Variants in RBM47 observed in about 807,000 individuals in gnomAD.
RBM47 encodes RNA-binding protein 47.
A neutral mutation model predicts 47.1 loss-of-function variants in RBM47; 21 were observed. The ratio of observed to expected loss-of-function variants is 0.45; its 90% CI spans 0.32 to 0.64. The LOEUF is 0.64. Among genes scored for constraint, RBM47 ranks in the 30% least tolerant of loss-of-function variants. RBM47 has a pLI of 0.05. For synonymous variants in RBM47, 375 were observed against 361.7 expected (o/e 1.04, Z -0.42); for missense variants, 708 against 870.9 (o/e 0.81, Z 2.35).
At chr4:40,617,776 CT>C (rs930080041) in intron 1 of RBM47, among the ~76,000 whole-genome samples, 5 of 150,452 alleles carry the variant, frequency 3.3e-5, no homozygotes, top group East Asian at 1.9e-4. Flanking sequence ...ATACTTAAGT[CT>C]TTTTTTTAAT....
chr4:40,474,664 A>T (rs1339497461), intron 2 of RBM47, among the ~76,000 whole-genome samples: 1 of 152,220 alleles, frequency 6.6e-6, no homozygotes, highest in East Asian at 1.9e-4. Context: ...CTCATTTGTC[A>T]CATTTTAAAA....
chr4:40,552,771 C>T (rs1186869282), intron 1 of RBM47, among the ~76,000 whole-genome samples: 1 of 152,182 alleles, frequency 6.6e-6, no homozygotes, highest in South Asian at 2.1e-4. Flanking sequence ...GCTGGCTATA[C>T]CACTGGCCTT....
At position 40,579,146 on chromosome 4, in the gene RBM47, G is replaced by A. The variant is rs148079063; in HGVS notation, c.-239-34640C>T. On this transcript the variant is annotated intron_variant, in intron 1 of 6. Transcript: ENST00000295971. ...ATTAAAAAAAAAAAAAATGCAGCCA[G>A]GCACGGTGGCTCACGCTTGTAATCC... Among the ~76,000 whole-genome samples the A allele has an allele frequency of 9.9e-3, 1,466 of 148,400 alleles. 38 individuals are homozygous for A. The highest frequency in any genetic ancestry group is 9.1e-3 in the Non-Finnish European group (615 of 67,386).
chr4:40,448,262 TGA>T (rs1714852608), intron 3 of RBM47, among the ~76,000 whole-genome samples: 1 of 145,772 alleles, frequency 6.9e-6, no homozygotes, highest in Non-Finnish European at 1.5e-5. Flanking sequence ...AGTGTGACTG[TGA>T]GAGTGTGTGT....
chr4:40,572,623 C>T (rs1731838340), intron 1 of RBM47, among the ~76,000 whole-genome samples: 1 of 151,628 alleles, frequency 6.6e-6, no homozygotes, highest in African/African-American at 2.4e-5. Context: ...AGTGGGCCGG[C>T]TGTGGTGGCT....
At chr4:40,581,940 C>T (rs1380646576) in intron 1 of RBM47, among the ~76,000 whole-genome samples, 1 of 151,984 alleles carries the variant, frequency 6.6e-6, no homozygotes. Flanking sequence ...TTATCTCCCC[C>T]GAACCCGCTT....
chr4:40,513,332 G>T (rs1439617431), intron 2 of RBM47, among the ~76,000 whole-genome samples: 1 of 152,152 alleles, frequency 6.6e-6, no homozygotes. Flanking sequence ...ACAGGCCAAA[G>T]ATCCCACACC....
At chr4:40,502,036 T>C (rs1723442870) in intron 2 of RBM47, 1 of 154,408 alleles carries the variant, frequency 6.5e-6, no homozygotes, top group South Asian at 2.0e-4. Context: ...CTTCCACCTG[T>C]CTCCTGCTTG....
intron 1 of RBM47, among the ~76,000 whole-genome samples, chr4:40,580,656 A>T (rs1732801885): frequency 1.3e-5 from 2 of 152,220 alleles, no homozygotes; most frequent in South Asian, 4.1e-4. Flanking sequence ...ATTGCTGAGC[A>T]AGTTTCCCAT....
At chr4:40,605,169 C>G (rs1378831052) in intron 1 of RBM47, among the ~76,000 whole-genome samples, 1 of 150,464 alleles carries the variant, frequency 6.6e-6, no homozygotes, top group Non-Finnish European at 1.5e-5. Flanking sequence ...ATTACAGGCA[C>G]CCGCCACCGC....
intron 1 of RBM47, among the ~76,000 whole-genome samples, chr4:40,546,711 C>T (rs1010840436): frequency 6.6e-6 from 1 of 152,180 alleles, no homozygotes; most frequent in African/African-American, 2.4e-5. Flanking sequence ...CCCACAGAAA[C>T]CTGGCATTTG....
At chr4:40,553,588 C>T (rs543491223) in intron 1 of RBM47, among the ~76,000 whole-genome samples, 3 of 152,292 alleles carry the variant, frequency 2.0e-5, no homozygotes, top group Non-Finnish European at 2.9e-5. Context: ...TGAGCCACTA[C>T]GCCCAGCCAA....
At chr4:40,480,388 G>C (rs556718553) in intron 2 of RBM47, among the ~76,000 whole-genome samples, 7 of 152,232 alleles carry the variant, frequency 4.6e-5, no homozygotes, top group African/African-American at 1.7e-4. Flanking sequence ...CTGGCTCTTA[G>C]AGATCACACT....
chr4:40,481,450 A>G (rs866425801), intron 2 of RBM47, among the ~76,000 whole-genome samples: 1 of 85,412 alleles, frequency 1.2e-5, no homozygotes, highest in Non-Finnish European at 2.1e-5. Flanking sequence ...TTTTTGTATT[A>G]TTATTATTAT....
intron 1 of RBM47, among the ~76,000 whole-genome samples, chr4:40,558,060 A>G (rs1003253146): frequency 1.3e-5 from 2 of 152,148 alleles, no homozygotes; most frequent in African/African-American, 4.8e-5. Flanking sequence ...AAGCTCCCAT[A>G]GTGGAGTTTT....
intron 2 of RBM47, among the ~76,000 whole-genome samples, chr4:40,486,174 G>C (rs1721067998): frequency 6.8e-6 from 1 of 147,140 alleles, no homozygotes; most frequent in Non-Finnish European, 1.5e-5. Context: ...ATTTCAAATT[G>C]AACTAAACAT....
At chr4:40,436,979 C>G in intron 4 of RBM47, 1 of 423,010 alleles carries the variant, frequency 2.4e-6, no homozygotes, top group Non-Finnish European at 4.7e-6. Context: ...GTGTCTTATG[C>G]CTGTAATCCC....
At chr4:40,592,982 T>TC (rs1734384165) in intron 1 of RBM47, among the ~76,000 whole-genome samples, 1 of 16,152 alleles carries the variant, frequency 6.2e-5, no homozygotes, top group Non-Finnish European at 1.0e-4. Context: ...TATATATATT[T>TC]TTTTTTTTTT....
chr4:40,503,723 G>A (rs925554845), intron 2 of RBM47, among the ~76,000 whole-genome samples: 1 of 152,004 alleles, frequency 6.6e-6, no homozygotes, highest in Non-Finnish European at 1.5e-5. Context: ...AGAGGGGGGA[G>A]AGAAGAATAT....
Sources: allele counts gnomAD v4.1 joint callset (sites outside exome capture counted in the v4.1 genomes callset), GRCh38; gene constraint gnomAD v4.1.1; transcripts MANE v1.5; gene names NCBI Gene and HGNC (gene_info 2026-07-23, HGNC 2026-07-21).